Variants in SRI observed in about 807,000 individuals in gnomAD.
SRI encodes sorcin, also known as 22 kDa protein.
In SRI, 30 loss-of-function variants were observed where a neutral mutation model predicts 33.3. That is an observed-to-expected ratio of 0.90 (90% CI 0.67 to 1.22). The LOEUF (loss-of-function observed/expected upper bound fraction) is 1.22. Among genes scored for constraint, SRI ranks in the 50% most tolerant of loss-of-function variants. The pLI is 0.00. For missense variants in SRI, 243 were observed against 250.8 expected, an observed-to-expected ratio of 0.97 and a Z score of 0.21; for synonymous variants, 75 against 89.9, an observed-to-expected ratio of 0.83 and a Z score of 0.94.
chr7:88,224,513 C>T (rs756431842), upstream of SRI, among the ~76,000 whole-genome samples: 2 of 152,168 alleles, frequency 1.3e-5, no homozygotes, highest in Non-Finnish European at 2.9e-5. Flanking sequence ...AAGACCTCTG[C>T]CTTAGAGAGA....
chr7:88,210,795 T>C (rs1379932533), intron 4 of SRI, 87 bp downstream of exon 4: 2 of 1,266,424 alleles, frequency 1.6e-6, no homozygotes, highest in Non-Finnish European at 2.3e-6. Flanking sequence ...ATTTATTACT[T>C]TGTGTTTACT....
intron 7 of SRI, chr7:88,207,756 G>A (rs1167420354): frequency 1.3e-5 from 2 of 152,268 alleles, no homozygotes; most frequent in Non-Finnish European, 2.9e-5. Flanking sequence ...ACTTTGGGAG[G>A]CCTAAGCGGA....
intron 1 of SRI, among the ~76,000 whole-genome samples, chr7:88,226,620 C>T (rs1852003130): frequency 6.6e-6 from 1 of 152,144 alleles, no homozygotes; most frequent in Admixed American, 6.5e-5. Flanking sequence ...GCCAAAATTC[C>T]ATGAAGCATA....
At chr7:88,225,509 C>T (rs1430737479) in intron 1 of SRI, among the ~76,000 whole-genome samples, 1 of 152,130 alleles carries the variant, frequency 6.6e-6, no homozygotes, top group African/African-American at 2.4e-5. Flanking sequence ...CTATGGACTA[C>T]AAAGTATTTT....
At chr7:88,226,374 C>G (rs2115839883) in intron 1 of SRI, among the ~76,000 whole-genome samples, 1 of 152,232 alleles carries the variant, frequency 6.6e-6, no homozygotes, top group Admixed American at 6.5e-5. Context: ...GCATCTCAGT[C>G]CCTTTATCCA....
intron 3 of SRI, among the ~76,000 whole-genome samples, chr7:88,213,812 A>G (rs173850): frequency 0.58 from 88,035 of 152,086 alleles, 25,754 homozygotes; most frequent in East Asian, 0.82. Context: ...AAAATTTTCT[A>G]ATCTTTACTA....
intron 1 of SRI, chr7:88,226,792 A>C: frequency 1.9e-6 from 2 of 1,056,710 alleles, no homozygotes; most frequent in Non-Finnish European, 2.6e-6. Context: ...CTCAGCTTGG[A>C]AACCCATGGA....
chr7:88,209,958 G>T (rs1308791101), intron 5 of SRI, 25 bp downstream of exon 5: 5 of 1,613,946 alleles, frequency 3.1e-6, no homozygotes. Flanking sequence ...CCAATGAATG[G>T]AGAGTTCTAG....
chr7:88,210,033 C>G lies in SRI; in HGVS notation c.347G>C (p.Arg116Thr), dbSNP rs200600896. The G allele has an allele frequency of 6.2e-7, 1 of 1,614,162 alleles. No homozygotes were observed. Among genetic ancestry groups the G allele is most frequent in the East Asian group, 2.2e-5 (1 of 44,880 alleles). The stretch of plus-strand genomic sequence containing the variant: ...TTCTTGTGGGTCTACTGTTCCACTC[C>G]TGTCAGTGTCAAAACTGATAAAGTG... ...RQHFISFDTD[R>T]SGTVDPQELQ... The change falls in exon 5 of 8, where the codon AGG becomes ACG. Residue 116 changes from arginine to threonine, a missense_variant. Physicochemically the swap from Arg to Thr is moderately conservative, Grantham distance 71. Coordinates refer to ENST00000265729, the MANE Select transcript of SRI (RefSeq NM_003130.4).
At chr7:88,206,601 G>C in intron 7 of SRI, 97 bp from the exon 8 acceptor site, 2 of 1,382,986 alleles carry the variant, frequency 1.4e-6, no homozygotes. Context: ...ATTTGAACAC[G>C]GGTAAAACAA....
rs755424296 is a variant in SRI at position 88,208,553 on chromosome 7, C to T, written c.524G>A (p.Arg175Lys). Residue 175 changes from arginine (R) to lysine (K), a missense_variant, in exon 7 of 8, where the codon AGA (arginine) becomes AAA (lysine). Transcript: ENST00000265729. Reference sequence around the variant, plus strand: ...AACACCTTGCTGAGCAGTATCCCGTCTTCGAAAGCTGTCTGTAAAACAACA... The same window carrying T: ...AACACCTTGCTGAGCAGTATCCCGTTTTCGAAAGCTGTCTGTAAAACAACA... ...KLRALTDSFR[R>K]RDTAQQGVVN... 1 of 1,613,900 alleles carries T rather than the reference C, an allele frequency of 6.2e-7. No homozygotes were observed.
At position 88,210,027 on chromosome 7, in the gene SRI, C is replaced by A. The variant is rs1424142107; in HGVS notation, c.353G>T (p.Gly118Val). 5.0e-6 allele frequency: 8 copies of A among 1,614,060 alleles called. No individual in the cohort carries two copies. The highest frequency in any genetic ancestry group is 6.8e-6 in the Non-Finnish European group (8 of 1,180,052). ...HFISFDTDRS[G>V]TVDPQELQKA... ...CTGCAATTCTTGTGGGTCTACTGTT[C>A]CACTCCTGTCAGTGTCAAAACTGAT... Residue 118 changes from glycine (G) to valine (V), a missense_variant, in exon 5 of 8, where the codon GGA becomes GTA. Physicochemically the swap from Gly to Val is moderately radical, Grantham distance 109. Transcript: ENST00000265729.
At chr7:88,214,471 G>A (rs1851658519) in intron 3 of SRI, among the ~76,000 whole-genome samples, 1 of 152,146 alleles carries the variant, frequency 6.6e-6, no homozygotes, top group South Asian at 2.1e-4. Context: ...CAGTGAGATG[G>A]CAGTGAACAA....
At chr7:88,219,099 C>T (rs1851813046) in intron 1 of SRI, 157 bp from the exon 2 acceptor site, 2 of 679,734 alleles carry the variant, frequency 2.9e-6, no homozygotes, top group South Asian at 3.1e-5. Context: ...ACACTCCACC[C>T]CTCTCTTCCA....
intron 1 of SRI, among the ~76,000 whole-genome samples, chr7:88,225,793 T>G (rs1465904286): frequency 6.6e-6 from 1 of 152,224 alleles, no homozygotes; most frequent in Non-Finnish European, 1.5e-5. Context: ...ATCAGAATAT[T>G]AAATTTAAAG....
chr7:88,221,535 G>T (rs1244395927), upstream of SRI, among the ~76,000 whole-genome samples: 1 of 152,150 alleles, frequency 6.6e-6, no homozygotes, highest in Non-Finnish European at 1.5e-5. Flanking sequence ...ACTCGATGTT[G>T]AGTACAAGCT....
At chr7:88,219,871 G>T in intron 1 of SRI, 105 bp downstream of exon 1, 1 of 1,388,132 alleles carries the variant, frequency 7.2e-7, no homozygotes, top group South Asian at 1.3e-5. Flanking sequence ...AGGAGCCCGG[G>T]TAGCCGCCCA....
upstream of SRI, among the ~76,000 whole-genome samples, chr7:88,222,854 A>G (rs1295482598): frequency 6.6e-6 from 1 of 152,094 alleles, no homozygotes; most frequent in Non-Finnish European, 1.5e-5. Flanking sequence ...TCAATTCAAG[A>G]TGGATTAAAG....
At chr7:88,217,472 A>AT (rs1012640782) in intron 2 of SRI, among the ~76,000 whole-genome samples, 15 of 151,264 alleles carry the variant, frequency 9.9e-5, no homozygotes, top group Non-Finnish European at 1.5e-4. Context: ...ATTTTAAAAT[A>AT]TTTTTTTTTG....
Sources: gnomAD v4.1 joint callset for allele counts (sites outside exome capture counted in the v4.1 genomes callset) on GRCh38, gnomAD v4.1.1 for gene constraint, MANE v1.5 for transcripts, NCBI Gene and HGNC (gene_info 2026-07-23, HGNC 2026-07-21) for gene names.